CYP27C1: variants seen among roughly 807,000 people sequenced by gnomAD.
CYP27C1 encodes the protein cytochrome P450 family 27 subfamily C member 1, also known as cytochrome P450 27C1.
In CYP27C1, 29 loss-of-function variants were observed where a neutral mutation model predicts 40.6. The ratio of observed to expected loss-of-function variants is 0.71; its 90% CI spans 0.53 to 0.97. The LOEUF is 0.97. Among genes scored for constraint, CYP27C1 ranks in the 50% least tolerant of loss-of-function variants. The probability of loss-of-function intolerance (pLI) is 0.00; values close to 1 mark genes in which losing one functional copy is unlikely to be tolerated. For synonymous variants in CYP27C1, 198 were observed against 186.8 expected (o/e 1.06, Z -0.49); for missense variants, 390 against 485.8 (o/e 0.80, Z 1.85).
rs1300177991 is a variant in CYP27C1 at position 127,218,200 on chromosome 2, C to G, written c.282+1789G>C. 6.6e-6 allele frequency among the ~76,000 whole-genome samples: 1 copy of G among 152,028 alleles called. No homozygotes were observed. The highest frequency in any genetic ancestry group is 1.5e-5 in the Non-Finnish European group (1 of 68,008). On this transcript the variant is annotated intron_variant, in intron 1 of 8. Coordinates refer to ENST00000664447, the MANE Select transcript of CYP27C1 (RefSeq NM_001367502.1). The surrounding 1 kb of genome is among the most constrained non-coding windows in gnomAD (Gnocchi z 6.0). The stretch of plus-strand genomic sequence containing the variant: ...AATACCCATCTGAACTGCCACACAT[C>G]CTGACTGGATACAGGCTTTAACACG...
rs1161975173 is a variant in CYP27C1, at chr2:127,195,848, CT to C, written c.1048-348del. 6.6e-6 allele frequency among the ~76,000 whole-genome samples: 1 copy of C among 152,094 alleles called. No homozygotes were observed. The highest frequency in any genetic ancestry group is 1.5e-5 in the Non-Finnish European group (1 of 68,014). ...GTGGAGCCTGGAGGATCTGCTGGGA[CT>C]TTGTGTGACCTTCTTTGCAGGGCTT... is the stretch of plus-strand genomic sequence containing the variant. On this transcript the variant is annotated intron_variant, in intron 5 of 8. Transcript: ENST00000664447. The surrounding 1 kb of genome is among the most constrained non-coding windows in gnomAD (Gnocchi z 6.2).
In CYP27C1 at chr2:127,187,280, G is replaced by T. The variant is rs754355013; in HGVS notation, c.1605C>A (p.Asn535Lys). The change falls in exon 9 of 9, where the codon AAC becomes AAA. Residue 535 changes from asparagine to lysine, a missense_variant. Asn to Lys is a moderately conservative substitution (Grantham distance 94, BLOSUM62 0). Transcript: ENST00000664447. ...GGTTTAAAATCTAGGCTTACTTTCT[G>T]TTAACAAATCGCACGTGGATGGGCC... The part of the protein sequence containing the change: ...PGGPIHVRFV[N>K]RK 3.1e-6 allele frequency: 5 copies of T among 1,613,904 alleles called. No homozygotes were observed. In the South Asian group the frequency reaches 3.3e-5, roughly 11 times the overall value.
intron 1 of CYP27C1, among the ~76,000 whole-genome samples, chr2:127,210,424 C>G (rs1683313053): frequency 6.6e-6 from 1 of 152,130 alleles, no homozygotes; most frequent in Admixed American, 6.5e-5. Context: ...AATATAAAGA[C>G]CAATGACACT....
chr2:127,199,468 C>T lies in CYP27C1; in HGVS notation c.955G>A (p.Gly319Arg). 6.2e-7 allele frequency: 1 copy of T among 1,614,178 alleles called. No individual in the cohort carries two copies. Among genetic ancestry groups the T allele is most frequent in the Non-Finnish European group, 8.5e-7 (1 of 1,180,028 alleles). ...CTAAGGAAGAGGTATGTGAGAAGTC[C>T]CCCGCTCACCCTCCGGCCTCGGTCC... ...QMDRGRRVSG[G>R]LLTYLFLSQA... The change falls in exon 5 of 9, where the codon GGA becomes AGA. Residue 319 changes from glycine (G) to arginine (R), a missense_variant. Coordinates refer to ENST00000664447, the MANE Select transcript of CYP27C1 (RefSeq NM_001367502.1).
chr2:127,210,456 G>C (rs1180338855), intron 1 of CYP27C1, among the ~76,000 whole-genome samples: 1 of 152,140 alleles, frequency 6.6e-6, no homozygotes, highest in African/African-American at 2.4e-5. Flanking sequence ...GCATCAACTA[G>C]TGTGCAAAAT....
chr2:127,215,999 G>C (rs1683423936), intron 1 of CYP27C1, among the ~76,000 whole-genome samples: 1 of 152,140 alleles, frequency 6.6e-6, no homozygotes, highest in African/African-American at 2.4e-5. Flanking sequence ...ATAGCACTTC[G>C]CACCCACTAG....
At chr2:127,187,577 C>T (rs1344928675) in intron 8 of CYP27C1, among the ~76,000 whole-genome samples, 190 bp from the exon 9 acceptor site, 1 of 152,184 alleles carries the variant, frequency 6.6e-6, no homozygotes, top group African/African-American at 2.4e-5. Flanking sequence ...GGAAACAGAA[C>T]TTTAGATCCC....
At position 127,185,494 on chromosome 2, in the gene CYP27C1, A is replaced by G. The variant is rs942704166; in HGVS notation, c.*1777T>C. 1 of 152,256 alleles carries G rather than the reference A, an allele frequency of 6.6e-6. No homozygotes were observed. The highest frequency in any genetic ancestry group is 1.9e-4 in the East Asian group (1 of 5,204). The allele number at this position is 152,256 out of a possible 1,614,324, so 9.4% of individuals were successfully genotyped here. A position where few individuals can be genotyped will look rare whatever the true frequency, so the allele number is the denominator to read the frequency against. ...TCAGTCTCAAACAGAATGCAATTTC[A>G]TCTAGTTTATAAAACTTAATATACG... On this transcript the variant is annotated 3_prime_UTR_variant, in exon 9 of 9. Transcript: ENST00000664447. The surrounding 1 kb of genome is among the most constrained non-coding windows in gnomAD (Gnocchi z 4.9).
Position 127,186,463 on chromosome 2 carries a change from T to C in CYP27C1, c.*808A>G, listed in dbSNP as rs1030315030. On this transcript the variant is annotated 3_prime_UTR_variant, in exon 9 of 9. Coordinates refer to ENST00000664447, the MANE Select transcript of CYP27C1 (RefSeq NM_001367502.1). The surrounding 1 kb of genome is among the most constrained non-coding windows in gnomAD (Gnocchi z 4.5). ...CCCAGGCTGAAGTGCAGTGGTGCCA[T>C]CATAGATAGCTCACTGCAGACCCAA... The C allele has an allele frequency of 2.0e-5, 3 of 151,946 alleles. No homozygotes were observed. The highest frequency in any genetic ancestry group is 4.4e-5 in the Non-Finnish European group (3 of 68,024). 9.4% of individuals were successfully genotyped at this position (151,946 alleles called of 1,614,324 possible).
At chr2:127,194,555 G>C (rs149426731) in intron 6 of CYP27C1, among the ~76,000 whole-genome samples, 2 of 152,034 alleles carry the variant, frequency 1.3e-5, no homozygotes, top group Non-Finnish European at 2.9e-5. Context: ...ACATCCCTCC[G>C]GCTTTTCTGT....
rs1488454967 is a variant in CYP27C1, at chr2:127,193,670, C to A, written c.1293+119G>T. The A allele has an allele frequency of 2.0e-5, 22 of 1,100,778 alleles. No homozygotes were observed. The East Asian group carries it at 3.5e-4, about 17-fold the overall frequency. The allele number at this position is 1,100,778 out of a possible 1,614,324, so 68.2% of individuals were successfully genotyped here. On this transcript the variant is annotated intron_variant, in intron 7 of 8. Coordinates refer to ENST00000664447, the MANE Select transcript of CYP27C1 (RefSeq NM_001367502.1). ...CCCCATCTTCATCTTAAAATACATG[C>A]AAAAGAAAAGGAAACCTATTGATCT...
chr2:127,212,784 C>A (rs1683361504), intron 1 of CYP27C1, among the ~76,000 whole-genome samples: 1 of 152,146 alleles, frequency 6.6e-6, no homozygotes, highest in Non-Finnish European at 1.5e-5. Context: ...TCTTACCACT[C>A]CTATTCAACA....
chr2:127,194,597 A>G (rs919204103), intron 6 of CYP27C1, among the ~76,000 whole-genome samples: 2 of 152,150 alleles, frequency 1.3e-5, no homozygotes, highest in African/African-American at 2.4e-5. Flanking sequence ...GGAGTAATTG[A>G]GCCTCACTGG....
At chr2:127,205,428 T>TG (rs1221137956) in intron 2 of CYP27C1, among the ~76,000 whole-genome samples, 1 of 152,152 alleles carries the variant, frequency 6.6e-6, no homozygotes, top group Non-Finnish European at 1.5e-5. Context: ...ACAGAGGTGT[T>TG]GGTGACGCTG....
intron 1 of CYP27C1, among the ~76,000 whole-genome samples, chr2:127,215,687 C>G (rs1421409545): frequency 6.6e-6 from 1 of 152,030 alleles, no homozygotes; most frequent in Non-Finnish European, 1.5e-5. Context: ...AAGACCCTGT[C>G]TCATTAAAAA....
chr2:127,202,274 G>A (rs1683052551), intron 3 of CYP27C1, among the ~76,000 whole-genome samples: 1 of 151,962 alleles, frequency 6.6e-6, no homozygotes. Context: ...ACAGGTGCCC[G>A]CCACCATGGC....
chr2:127,202,943 C>T (rs1002762474), intron 3 of CYP27C1, among the ~76,000 whole-genome samples: 16 of 151,912 alleles, frequency 1.1e-4, no homozygotes, highest in South Asian at 4.2e-4. Context: ...CCAAGGCGGG[C>T]GAATCACGAG....
intron 2 of CYP27C1, among the ~76,000 whole-genome samples, chr2:127,204,301 A>AG (rs1683109730): frequency 1.2e-5 from 1 of 85,132 alleles, no homozygotes; most frequent in African/African-American, 5.0e-5. Context: ...AGAGAGAGAG[A>AG]AAAGGAAGGA....
At chr2:127,198,584 G>T (rs1218942739) in intron 5 of CYP27C1, among the ~76,000 whole-genome samples, 2 of 152,080 alleles carry the variant, frequency 1.3e-5, no homozygotes, top group African/African-American at 4.8e-5. Flanking sequence ...GTGATGTTTT[G>T]GTCAATGATG....
Sources: allele counts gnomAD v4.1 joint callset (sites outside exome capture counted in the v4.1 genomes callset), GRCh38; gene constraint gnomAD v4.1.1; non-coding constraint Gnocchi (gnomAD v3.1); transcripts MANE v1.5; gene names NCBI Gene and HGNC (gene_info 2026-07-23, HGNC 2026-07-21).